CACNA2D1: variants seen among roughly 807,000 people sequenced by gnomAD.
CACNA2D1 encodes voltage-dependent calcium channel subunit alpha-2/delta-1.
In CACNA2D1, 53 loss-of-function variants were observed where a neutral mutation model predicts 171.5. That is an observed-to-expected ratio of 0.31 (90% confidence interval 0.25 to 0.39). The LOEUF (loss-of-function observed/expected upper bound fraction) is 0.39. Ranked by LOEUF, CACNA2D1 falls within the 10% of genes least tolerant of loss-of-function variation. The probability of loss-of-function intolerance (pLI) is 1.00; values close to 1 mark genes in which losing one functional copy is unlikely to be tolerated. For missense variants in CACNA2D1, 903 were observed against 1,299.8 expected (o/e 0.69, Z 4.69); for synonymous variants, 442 against 443.1 (o/e 1.00, Z 0.03).
chr7:82,443,643 G>A lies in CACNA2D1; in HGVS notation c.-184C>T, dbSNP rs1028234596. ...CGGCAAGGGCGGGAGCGGACGCCGA[G>A]GAAGGGGCGGTGGCGGGCGGACCCA... On this transcript the variant is annotated 5_prime_UTR_variant, in exon 1 of 39. Coordinates refer to ENST00000356860, the MANE Select transcript of CACNA2D1 (RefSeq NM_000722.4). 192 of 1,293,866 alleles carry A rather than the reference G, an allele frequency of 1.5e-4. 1 individual carries two copies. In the South Asian group the frequency reaches 1.8e-3, roughly 12 times the overall value. 80.1% of individuals were successfully genotyped at this position (1,293,866 alleles called of 1,614,324 possible). A position where few individuals can be genotyped will look rare whatever the true frequency, so the allele number is the denominator to read the frequency against.
At chr7:82,409,972 G>A (rs1361741967) in intron 1 of CACNA2D1, among the ~76,000 whole-genome samples, 1 of 152,152 alleles carries the variant, frequency 6.6e-6, no homozygotes, top group Non-Finnish European at 1.5e-5. Flanking sequence ...GTAACATAAT[G>A]ATAAGTGTCT....
At chr7:82,095,925 T>C (rs258659) in intron 6 of CACNA2D1, among the ~76,000 whole-genome samples, 55,884 of 152,108 alleles carry the variant, frequency 0.37, 10,501 homozygotes, top group East Asian at 0.4. Flanking sequence ...TTAATGGAGA[T>C]GTTCTGAAGA....
intron 24 of CACNA2D1, among the ~76,000 whole-genome samples, chr7:81,975,632 T>C (rs989455392): frequency 2.5e-4 from 38 of 152,222 alleles, no homozygotes; most frequent in African/African-American, 9.2e-4. Flanking sequence ...TAAAATTCCA[T>C]ATTCTTTCTT....
chr7:81,962,416 G>A, intron 35 of CACNA2D1, 24 bp downstream of exon 35: 1 of 1,567,698 alleles, frequency 6.4e-7, no homozygotes, highest in South Asian at 1.1e-5. Flanking sequence ...TTATGGCAAT[G>A]ACAAGGTCTG....
At chr7:82,225,892 A>G (rs1468846556) in intron 3 of CACNA2D1, among the ~76,000 whole-genome samples, 1 of 152,224 alleles carries the variant, frequency 6.6e-6, no homozygotes, top group African/African-American at 2.4e-5. Context: ...ATGCAAATGA[A>G]AAACTTTATT....
intron 10 of CACNA2D1, among the ~76,000 whole-genome samples, chr7:82,048,539 G>A (rs953082038): frequency 1.3e-5 from 2 of 151,912 alleles, no homozygotes; most frequent in South Asian, 2.1e-4. Context: ...TATATACATC[G>A]AAATTCTCAA....
chr7:82,214,896 T>C (rs1800945222), intron 3 of CACNA2D1, among the ~76,000 whole-genome samples: 1 of 152,202 alleles, frequency 6.6e-6, no homozygotes. Flanking sequence ...AACAGTCTCT[T>C]CCTTTTGGTG....
At chr7:82,360,591 G>C (rs1820984457) in intron 1 of CACNA2D1, among the ~76,000 whole-genome samples, 1 of 152,112 alleles carries the variant, frequency 6.6e-6, no homozygotes, top group East Asian at 1.9e-4. Context: ...AAACAGACTT[G>C]ACATACAATA....
At chr7:82,437,056 A>G (rs939952295) in intron 1 of CACNA2D1, among the ~76,000 whole-genome samples, 5 of 152,182 alleles carry the variant, frequency 3.3e-5, no homozygotes, top group Non-Finnish European at 7.4e-5. Context: ...AATTTCTCTT[A>G]GAGAGAAATG....
intron 6 of CACNA2D1, among the ~76,000 whole-genome samples, chr7:82,096,719 G>A (rs995329682): frequency 2.7e-5 from 4 of 149,600 alleles, no homozygotes; most frequent in African/African-American, 9.9e-5. Context: ...GATACAGATG[G>A]CACAAAAGAG....
chr7:82,111,226 A>G (rs1028521373), intron 6 of CACNA2D1, among the ~76,000 whole-genome samples: 1 of 148,702 alleles, frequency 6.7e-6, no homozygotes, highest in African/African-American at 2.5e-5. Context: ...TAAAAAAGCT[A>G]TTTTCCTAGT....
chr7:82,217,284 A>T (rs992025214), intron 3 of CACNA2D1, among the ~76,000 whole-genome samples: 1 of 151,392 alleles, frequency 6.6e-6, no homozygotes, highest in African/African-American at 2.4e-5. Flanking sequence ...TCAACTAATA[A>T]AGATAAACAG....
intron 4 of CACNA2D1, among the ~76,000 whole-genome samples, chr7:82,149,701 G>A (rs1793564842): frequency 6.6e-6 from 1 of 151,802 alleles, no homozygotes; most frequent in Non-Finnish European, 1.5e-5. Context: ...GGCCAAGGCA[G>A]GCGGATCACA....
intron 1 of CACNA2D1, among the ~76,000 whole-genome samples, chr7:82,357,628 T>C (rs1820583560): frequency 6.6e-6 from 1 of 150,676 alleles, no homozygotes; most frequent in African/African-American, 2.4e-5. Context: ...CCTTCCCAAT[T>C]TATTCCACTA....
chr7:82,443,148 G>C (rs1385969836), intron 1 of CACNA2D1, among the ~76,000 whole-genome samples: 1 of 152,032 alleles, frequency 6.6e-6, no homozygotes, highest in Non-Finnish European at 1.5e-5. Context: ...CCCAGTGCCC[G>C]GCCCCGTGGA....
intron 1 of CACNA2D1, among the ~76,000 whole-genome samples, chr7:82,360,913 CTCTT>C: frequency 6.6e-6 from 1 of 152,288 alleles, no homozygotes. Flanking sequence ...GACAATAACT[CTCTT>C]TCTGAAAACC....
intron 3 of CACNA2D1, among the ~76,000 whole-genome samples, chr7:82,197,140 TG>T (rs1485189698): frequency 6.6e-6 from 1 of 151,966 alleles, no homozygotes; most frequent in African/African-American, 2.4e-5. Flanking sequence ...GTTACATCGT[TG>T]GATATGAAAA....
intron 2 of CACNA2D1, among the ~76,000 whole-genome samples, chr7:82,344,733 T>C (rs1276114128): frequency 6.6e-6 from 1 of 152,064 alleles, no homozygotes; most frequent in African/African-American, 2.4e-5. Context: ...AAAGAGCAAA[T>C]CCAGGAGTAT....
chr7:82,031,361 G>T (rs1345801792), intron 12 of CACNA2D1, among the ~76,000 whole-genome samples: 1 of 151,854 alleles, frequency 6.6e-6, no homozygotes, highest in East Asian at 1.9e-4. Context: ...AATGCATCTG[G>T]ATATTCCCAT....
Sources: allele counts gnomAD v4.1 joint callset (sites outside exome capture counted in the v4.1 genomes callset), GRCh38; gene constraint gnomAD v4.1.1; transcripts MANE v1.5; gene names NCBI Gene and HGNC (gene_info 2026-07-23, HGNC 2026-07-21).